The following LAPTM4A variants were observed in gnomAD, a reference collection of about 807,000 sequenced individuals.
The protein encoded by LAPTM4A is lysosomal protein transmembrane 4 alpha.
LAPTM4A carries 19 observed loss-of-function variants against 29.9 expected under a neutral mutation model. That is an observed-to-expected ratio of 0.64 (90% CI 0.44 to 0.93). The LOEUF (loss-of-function observed/expected upper bound fraction) is 0.93. LAPTM4A is among the 40% of genes least tolerant of loss of function. The pLI is 0.00. For missense variants in LAPTM4A, 293 were observed against 288.5 expected (o/e 1.02, Z -0.11); for synonymous variants, 105 against 102.1 (o/e 1.03, Z -0.17).
intron 4 of LAPTM4A, among the ~76,000 whole-genome samples, chr2:20,036,366 T>A (rs1378921373): frequency 3.3e-5 from 5 of 152,202 alleles, no homozygotes; most frequent in Non-Finnish European, 4.4e-5. Context: ...AACTCCTGAG[T>A]ACAATTCAAA....
At chr2:20,044,820 G>A (rs992194957) in intron 1 of LAPTM4A, among the ~76,000 whole-genome samples, 1 of 152,190 alleles carries the variant, frequency 6.6e-6, no homozygotes, top group African/African-American at 2.4e-5. Flanking sequence ...TCTTCTTTGA[G>A]TTAATTATAT....
chr2:20,043,340 G>A (rs986992041), intron 1 of LAPTM4A, among the ~76,000 whole-genome samples: 3 of 148,868 alleles, frequency 2.0e-5, no homozygotes, highest in South Asian at 4.3e-4. Context: ...TCAGCCTCCC[G>A]AGTAGCTGGG....
intron 1 of LAPTM4A, among the ~76,000 whole-genome samples, chr2:20,045,446 T>C (rs1396416283): frequency 1.4e-5 from 2 of 146,192 alleles, no homozygotes; most frequent in South Asian, 2.1e-4. Context: ...ACAGGCAACA[T>C]AGCAAGACCC....
intron 4 of LAPTM4A, among the ~76,000 whole-genome samples, chr2:20,036,737 A>G (rs943528846): frequency 2.6e-4 from 40 of 152,304 alleles, no homozygotes; most frequent in Non-Finnish European, 4.4e-4. Flanking sequence ...TTGGCCACCC[A>G]GCCCAGAGTT....
intron 1 of LAPTM4A, 140 bp downstream of exon 1, chr2:20,051,266 TCATC>T: frequency 1.5e-6 from 1 of 668,356 alleles, no homozygotes; most frequent in Non-Finnish European, 2.7e-6. Flanking sequence ...TCCTTGGACT[TCATC>T]CAGAGTTGGC....
At chr2:20,043,064 G>A (rs35030383) in intron 1 of LAPTM4A, among the ~76,000 whole-genome samples, 47,177 of 146,738 alleles carry the variant, frequency 0.32, 8,137 homozygotes, top group Admixed American at 0.4. Context: ...CTCAGTCCCC[G>A]GGGTAGCTGG....
intron 1 of LAPTM4A, among the ~76,000 whole-genome samples, chr2:20,044,478 A>G (rs2103499255): frequency 6.6e-6 from 1 of 152,346 alleles, no homozygotes; most frequent in Admixed American, 6.5e-5. Context: ...TTTTTATTAC[A>G]TGAAGGATTT....
Position 20,051,389 on chromosome 2 carries a change from C to A in LAPTM4A, c.111+21G>T. 3 of 1,537,600 alleles carry A rather than the reference C, an allele frequency of 2.0e-6. No homozygotes were observed. In the South Asian group the frequency reaches 3.4e-5, roughly 17 times the overall value. On this transcript the variant is annotated intron_variant, in intron 1 of 6. Coordinates refer to ENST00000175091, the MANE Select transcript of LAPTM4A (RefSeq NM_014713.5). ...GCTCCCCAGGCCCCCCGGACATACG[C>A]GCCACGCCTGCCCGCCTTACCATGT... is the stretch of plus-strand genomic sequence containing the variant.
chr2:20,036,184 A>C (rs1673672866), intron 4 of LAPTM4A, among the ~76,000 whole-genome samples: 1 of 78 alleles, frequency 0.013, no homozygotes, highest in African/African-American at 0.045. Flanking sequence ...GTGGCTGACC[A>C]GGCCAACAGC....
At chr2:20,036,903 T>C (rs1673689282) in intron 4 of LAPTM4A, among the ~76,000 whole-genome samples, 2 of 152,256 alleles carry the variant, frequency 1.3e-5, no homozygotes. Flanking sequence ...GTTATCTTTA[T>C]ATCCACACCA....
At position 20,033,276 on chromosome 2, in the gene LAPTM4A, C is replaced by T. The variant is rs1044022811; in HGVS notation, c.631G>A (p.Val211Ile). The T allele has an allele frequency of 1.4e-5, 22 of 1,612,990 alleles. No homozygotes were observed. The highest frequency in any genetic ancestry group is 1.5e-5 in the Non-Finnish European group (18 of 1,179,222). The change falls in exon 7 of 7, where the codon GTT becomes ATT. Residue 211 changes from valine (V) to isoleucine (I), a missense_variant. Transcript: ENST00000175091. The part of the protein sequence containing the change: ...YPAFEAPPQY[V>I]LPTYEMAVKM... ...ACGGCCATTTCATAGGTTGGCAAAA[C>T]GTACTAAAGAGAGAAAAAAAATTGT...
rs148318155 is a variant in LAPTM4A at position 20,051,434 on chromosome 2, C to T, written c.87G>A (p.Thr29=). The T allele has an allele frequency of 1.2e-6, 2 of 1,612,376 alleles. No homozygotes were observed. Among genetic ancestry groups the T allele is most frequent in the Non-Finnish European group, 1.7e-6 (2 of 1,179,012 alleles). ...CCATGTACCAGGTCCCCAGGATGATCGTCCCGGTGCGGACATGGCAACAGC... is the reference window on the plus strand; with the variant it reads ...CCATGTACCAGGTCCCCAGGATGATTGTCCCGGTGCGGACATGGCAACAGC... ...CCGCCHVRTG[T]IILGTWYMVV... is the part of the protein sequence containing the mutation. Residue 29 remains threonine (T), a synonymous_variant, in exon 1 of 7, where the codon ACG becomes ACA. Coordinates refer to ENST00000175091, the MANE Select transcript of LAPTM4A (RefSeq NM_014713.5).
intron 2 of LAPTM4A, among the ~76,000 whole-genome samples, chr2:20,039,208 T>C (rs1192297018): frequency 2.0e-5 from 3 of 152,152 alleles, no homozygotes; most frequent in African/African-American, 7.2e-5. Flanking sequence ...TGAGCCACCA[T>C]GCACAGCATG....
Position 20,034,308 on chromosome 2 carries a change from G to T in LAPTM4A, c.627+9C>A. On this transcript the variant is annotated intron_variant, in intron 6 of 6. Transcript: ENST00000175091. ...TGGTGACCTTTTACTCTATCCAACA[G>T]TAGCTAACCTGAGGAGGTGCTTCAA... 1 of 1,589,974 alleles carries T rather than the reference G, an allele frequency of 6.3e-7. No homozygotes were observed. The highest frequency in any genetic ancestry group is 8.6e-7 in the Non-Finnish European group (1 of 1,157,968).
rs1407932729 is a variant in LAPTM4A, at chr2:20,035,811, C to T, written c.433-749G>A. Among the ~76,000 whole-genome samples the T allele has an allele frequency of 1.7e-4, 26 of 152,036 alleles. 1 individual carries two copies. Among genetic ancestry groups the T allele is most frequent in the Admixed American group, 1.7e-3 (26 of 15,266 alleles). ...TCTAAAAGGAATAATAAATTTTTAT[C>T]TTCTTTTCTATAAAGCTGATTTAAT... On this transcript the variant is annotated intron_variant, in intron 4 of 6. Transcript: ENST00000175091.
chr2:20,042,720 C>T (rs1420085538), intron 1 of LAPTM4A, among the ~76,000 whole-genome samples: 2 of 152,196 alleles, frequency 1.3e-5, no homozygotes, highest in Admixed American at 1.3e-4. Context: ...ATGAGTTGTG[C>T]CTGTAGTTGT....
chr2:20,034,361 C>G lies in LAPTM4A; in HGVS notation c.583G>C (p.Val195Leu). 1 of 1,614,016 alleles carries G rather than the reference C, an allele frequency of 6.2e-7. No homozygotes were observed. The highest frequency in any genetic ancestry group is 8.5e-7 in the Non-Finnish European group (1 of 1,179,906). Residue 195 changes from valine (V) to leucine (L), a missense_variant, in exon 6 of 7, where the codon GTG (valine) becomes CTG (leucine). By Grantham distance (32) the Val-to-Leu change is conservative. Transcript: ENST00000175091. Reference protein sequence around the residue: ...NCYKYINNRNVPEIAVYPAFE... With the variant: ...NCYKYINNRNLPEIAVYPAFE... ...GCAGGGTACACAGCAATCTCCGGCA[C>G]GTTTCGGTTGTTGATGTATTTATAG...
At chr2:20,043,077 CT>C (rs397870459) in intron 1 of LAPTM4A, among the ~76,000 whole-genome samples, 1,749 of 141,590 alleles carry the variant, frequency 0.012, 18 homozygotes, top group Non-Finnish European at 0.019. Flanking sequence ...GTAGCTGGGA[CT>C]TTTTTTTTTT....
intron 1 of LAPTM4A, among the ~76,000 whole-genome samples, chr2:20,046,830 T>A (rs2148214860): frequency 7.4e-6 from 1 of 134,896 alleles, no homozygotes; most frequent in South Asian, 2.7e-4. Flanking sequence ...GGGGGTTTCG[T>A]CATGTTGCTC....
Sources: allele counts gnomAD v4.1 joint callset (sites outside exome capture counted in the v4.1 genomes callset), GRCh38; gene constraint gnomAD v4.1.1; transcripts MANE v1.5; gene names NCBI Gene and HGNC (gene_info 2026-07-23, HGNC 2026-07-21).